The following HM13 variants were observed in gnomAD, a reference collection of about 807,000 sequenced individuals.
The protein encoded by HM13 is signal peptide peptidase.
Under a neutral mutation model 50.0 loss-of-function variants are expected in HM13, and 18 were observed. The ratio of observed to expected loss-of-function variants is 0.36; its 90% CI spans 0.25 to 0.53. The LOEUF (loss-of-function observed/expected upper bound fraction) is 0.53, where lower values mean the gene tolerates loss of function less well. Ranked by LOEUF, HM13 falls within the 20% of genes least tolerant of loss-of-function variation. The probability of loss-of-function intolerance (pLI) is 0.90; values close to 1 mark genes in which losing one functional copy is unlikely to be tolerated. For missense variants in HM13, 393 were observed against 552.4 expected (o/e 0.71, Z 2.89); for synonymous variants, 197 against 232.6 (o/e 0.85, Z 1.39).
At chr20:31,565,134 C>T (rs1027432140) in intron 10 of HM13, among the ~76,000 whole-genome samples, 10 of 150,128 alleles carry the variant, frequency 6.7e-5, no homozygotes, top group Non-Finnish European at 1.3e-4. Flanking sequence ...CCACTGCACT[C>T]CAGCCTGGGT....
At chr20:31,517,471 G>A (rs747149674) in intron 1 of HM13, among the ~76,000 whole-genome samples, 3 of 152,122 alleles carry the variant, frequency 2.0e-5, no homozygotes, top group Non-Finnish European at 4.4e-5. Context: ...GCTCTGGGCT[G>A]GGTACCAGGA....
chr20:31,524,361 C>T lies in HM13; in HGVS notation c.184-3123C>T, dbSNP rs73233616. Among the ~76,000 whole-genome samples, 127 of 152,226 alleles carry T rather than the reference C, an allele frequency of 8.3e-4. 1 individual carries two copies. Among genetic ancestry groups the T allele is most frequent in the Middle Eastern group, 6.8e-3 (2 of 294 alleles). ...CAAGCCGTTAACAGAGCAAGGAATACCTTGGATACACTTTATGTGTAGCAT... is the reference window on the plus strand; with the variant it reads ...CAAGCCGTTAACAGAGCAAGGAATATCTTGGATACACTTTATGTGTAGCAT... On this transcript the variant is annotated intron_variant, in intron 1 of 12. Transcript: ENST00000398174.
At chr20:31,558,971 T>C (rs10211827) in intron 8 of HM13, among the ~76,000 whole-genome samples, 3,441 of 152,320 alleles carry the variant, frequency 0.023, 120 homozygotes, top group African/African-American at 0.074. Flanking sequence ...CAGGCTGGAA[T>C]GCAGTGGCGC....
chr20:31,555,625 G>A (rs1385371805), intron 8 of HM13, among the ~76,000 whole-genome samples: 1 of 152,130 alleles, frequency 6.6e-6, no homozygotes, highest in Non-Finnish European at 1.5e-5. Flanking sequence ...GAACCCAAGG[G>A]ACATACTTGT....
In HM13 at chr20:31,569,149, C is replaced by T. The variant is rs1358425609; in HGVS notation, c.1211C>T (p.Ala404Val). Residue 404 changes from alanine (A) to valine (V), a missense_variant, in exon 13 of 13, where the codon GCG becomes GTG. Physicochemically the swap from Ala to Val is moderately conservative, Grantham distance 64. This residue lies in a region of HM13 where 105 missense variants were observed against 115.9 expected (regional missense o/e 0.91). Coordinates refer to ENST00000398174, the MANE Select transcript of HM13 (RefSeq NM_178581.3). ...IYEESNPKDP[A>V]AVTESKEGTE... ...GAGGAGTCAAATCCTAAGGATCCAG[C>T]GGCAGTGACAGAATCCAAAGAGGGA... 4.4e-6 allele frequency: 7 copies of T among 1,592,770 alleles called. No individual in the cohort carries two copies. The highest frequency in any genetic ancestry group is 5.1e-6 in the Non-Finnish European group (6 of 1,169,024).
intron 12 of HM13, among the ~76,000 whole-genome samples, chr20:31,568,873 T>C (rs898408992): frequency 7.2e-5 from 11 of 152,172 alleles, no homozygotes; most frequent in African/African-American, 1.4e-4. Flanking sequence ...CTCTCTTCCA[T>C]TGGCTGCTGC....
At chr20:31,535,057 G>A (rs1983033757) in intron 2 of HM13, among the ~76,000 whole-genome samples, 2 of 151,688 alleles carry the variant, frequency 1.3e-5, no homozygotes, top group South Asian at 2.1e-4. Context: ...CTGCACTCCA[G>A]CCTTGGTGAC....
chr20:31,567,601 T>C (rs1260364429), intron 11 of HM13: 1 of 152,542 alleles, frequency 6.6e-6, no homozygotes, highest in East Asian at 1.9e-4. Context: ...CTTTTTTTAT[T>C]GATTTACTTA....
At chr20:31,540,195 A>T (rs1983357622) in intron 3 of HM13, 1 of 152,276 alleles carries the variant, frequency 6.6e-6, no homozygotes, top group South Asian at 2.1e-4. Flanking sequence ...GCTTGGGAGA[A>T]TTCTAGTCCA....
chr20:31,538,951 T>G, intron 3 of HM13: 2 of 499,784 alleles, frequency 4.0e-6, no homozygotes, highest in Non-Finnish European at 5.2e-6. Flanking sequence ...TTCACACCTG[T>G]ATGATAGTCA....
intron 9 of HM13, among the ~76,000 whole-genome samples, chr20:31,560,823 T>G (rs1243722199): frequency 1.3e-5 from 2 of 152,242 alleles, no homozygotes; most frequent in African/African-American, 4.8e-5. Context: ...CTCAAGGTAC[T>G]TGCAGCCGAA....
intron 12 of HM13, 123 bp from the exon 13 acceptor site, chr20:31,568,997 G>GCTGA: frequency 1.5e-6 from 1 of 661,780 alleles, no homozygotes; most frequent in Non-Finnish European, 2.7e-6. Flanking sequence ...TGGACACAGG[G>GCTGA]CTGACGCTCT....
intron 8 of HM13, among the ~76,000 whole-genome samples, chr20:31,558,145 C>T (rs992017111): frequency 2.6e-5 from 4 of 152,180 alleles, no homozygotes; most frequent in Admixed American, 6.5e-5. Context: ...CTTAGGCTTC[C>T]GGGATGTCTC....
intron 2 of HM13, among the ~76,000 whole-genome samples, chr20:31,528,822 C>A (rs1289227551): frequency 6.6e-6 from 1 of 152,064 alleles, no homozygotes; most frequent in Non-Finnish European, 1.5e-5. Flanking sequence ...GTTGCCCAGT[C>A]TGGTCTCAAA....
At chr20:31,566,440 C>G (rs1055739971) in intron 11 of HM13, 145 bp downstream of exon 11, 11 of 688,518 alleles carry the variant, frequency 1.6e-5, no homozygotes, top group Non-Finnish European at 2.8e-5. Flanking sequence ...TTCAGCAGTA[C>G]ATGGGTACCT....
chr20:31,535,872 G>A (rs576673016), intron 2 of HM13, among the ~76,000 whole-genome samples: 29 of 152,294 alleles, frequency 1.9e-4, no homozygotes, highest in African/African-American at 6.5e-4. Flanking sequence ...CTGTTAAGGC[G>A]AGGTCCATAG....
At chr20:31,521,825 T>C (rs1982179749) in intron 1 of HM13, among the ~76,000 whole-genome samples, 1 of 151,012 alleles carries the variant, frequency 6.6e-6, no homozygotes, top group Non-Finnish European at 1.5e-5. Context: ...TTGTTATTAC[T>C]ATTATCGTCA....
chr20:31,563,381 G>C (rs1984728201), intron 10 of HM13: 1 of 152,338 alleles, frequency 6.6e-6, no homozygotes, highest in South Asian at 2.1e-4. Context: ...CCTTTGTGCA[G>C]TGGTGTGATC....
At chr20:31,557,241 A>C (rs943286429) in intron 8 of HM13, among the ~76,000 whole-genome samples, 18 of 152,186 alleles carry the variant, frequency 1.2e-4, no homozygotes, top group African/African-American at 4.3e-4. Flanking sequence ...CATCTCTGTC[A>C]GACAAAAGAA....
Sources: gnomAD v4.1 joint callset for allele counts (sites outside exome capture counted in the v4.1 genomes callset) on GRCh38, gnomAD v4.1.1 for gene constraint, gnomAD v4.1.1 regional missense constraint, MANE v1.5 for transcripts, NCBI Gene and HGNC (gene_info 2026-07-23, HGNC 2026-07-21) for gene names.